The following STARD13 variants were observed in gnomAD, a reference collection of about 807,000 sequenced individuals.
STARD13 encodes StAR related lipid transfer domain containing 13.
In STARD13, 62 loss-of-function variants were observed where a neutral mutation model predicts 106.4. That is an observed-to-expected ratio of 0.58 (90% CI 0.48 to 0.72). The LOEUF is 0.72. STARD13 is among the 30% of genes least tolerant of loss of function. STARD13 has a pLI of 0.00. For synonymous variants in STARD13, 565 were observed against 553.0 expected, an observed-to-expected ratio of 1.02 and a Z score of -0.31; for missense variants, 1,387 against 1,424.0, an observed-to-expected ratio of 0.97 and a Z score of 0.42.
At chr13:33,142,676 T>C (rs1008730158) in intron 3 of STARD13, among the ~76,000 whole-genome samples, 1 of 152,210 alleles carries the variant, frequency 6.6e-6, no homozygotes, top group Admixed American at 6.5e-5. Context: ...ATTTTAGCCA[T>C]ACTTTCACTA....
the STARD13 span, among the ~76,000 whole-genome samples, chr13:33,662,556 T>G: frequency 6.6e-6 from 1 of 152,208 alleles, no homozygotes; most frequent in Non-Finnish European, 1.5e-5. Context: ...TCTCCACAAA[T>G]CAAACCCTGC....
chr13:33,481,963 A>G, the STARD13 span, among the ~76,000 whole-genome samples: 3 of 151,212 alleles, frequency 2.0e-5, no homozygotes, highest in Admixed American at 6.6e-5. Context: ...AGCCTGGGCT[A>G]CAGAGCGAGA....
the STARD13 span, among the ~76,000 whole-genome samples, chr13:33,477,619 C>A: frequency 6.6e-6 from 1 of 152,100 alleles, no homozygotes; most frequent in African/African-American, 2.4e-5. Flanking sequence ...CTTGTTATAT[C>A]CTCTTCCTTT....
the STARD13 span, among the ~76,000 whole-genome samples, chr13:33,441,416 G>A: frequency 6.6e-6 from 1 of 152,016 alleles, no homozygotes; most frequent in African/African-American, 2.4e-5. Flanking sequence ...CAGTTTTGTG[G>A]TTAAGATAAT....
chr13:33,621,417 C>T, the STARD13 span, among the ~76,000 whole-genome samples: 1 of 151,988 alleles, frequency 6.6e-6, no homozygotes, highest in Admixed American at 6.5e-5. Context: ...GTCGCTTACG[C>T]CTGTAATCCC....
chr13:33,412,500 A>C, the STARD13 span, among the ~76,000 whole-genome samples: 1 of 152,214 alleles, frequency 6.6e-6, no homozygotes, highest in African/African-American at 2.4e-5. Context: ...GAACATAGTG[A>C]TCTAAATATA....
the STARD13 span, among the ~76,000 whole-genome samples, chr13:33,609,910 G>T: frequency 3.3e-5 from 5 of 152,224 alleles, no homozygotes; most frequent in African/African-American, 1.2e-4. Context: ...TATACACTAG[G>T]CATGTGTGCT....
At chr13:33,420,183 C>T in the STARD13 span, among the ~76,000 whole-genome samples, 3 of 152,122 alleles carry the variant, frequency 2.0e-5, no homozygotes, top group African/African-American at 4.8e-5. Context: ...AGTCAAGACC[C>T]ATTACTGTGC....
the STARD13 span, among the ~76,000 whole-genome samples, chr13:33,614,946 G>A: frequency 6.6e-6 from 1 of 152,196 alleles, no homozygotes; most frequent in South Asian, 2.1e-4. Flanking sequence ...TTTGGAAACT[G>A]TCAGGGTCCA....
chr13:33,263,875 G>A (rs7325230), intron 1 of STARD13, among the ~76,000 whole-genome samples: 2 of 152,086 alleles, frequency 1.3e-5, no homozygotes, highest in African/African-American at 4.8e-5. Context: ...ACACTCCTCC[G>A]ATTGAATAAT....
intron 1 of STARD13, among the ~76,000 whole-genome samples, chr13:33,219,337 T>A (rs1490959380): frequency 6.6e-6 from 1 of 151,586 alleles, no homozygotes; most frequent in Non-Finnish European, 1.5e-5. Flanking sequence ...TCTCAGCGCC[T>A]CCTTAGAGCT....
chr13:33,550,280 A>C, the STARD13 span, among the ~76,000 whole-genome samples: 9 of 152,212 alleles, frequency 5.9e-5, no homozygotes, highest in Non-Finnish European at 1.2e-4. Flanking sequence ...TTAGCATAAT[A>C]ATTTACTGGA....
chr13:33,591,973 C>T, the STARD13 span, among the ~76,000 whole-genome samples: 2 of 152,108 alleles, frequency 1.3e-5, no homozygotes, highest in African/African-American at 4.8e-5. Flanking sequence ...CTGTTAGAGG[C>T]TTGTATGCCC....
At chr13:33,350,034 C>T (rs986740476) in intron 1 of STARD13, among the ~76,000 whole-genome samples, 1 of 152,222 alleles carries the variant, frequency 6.6e-6, no homozygotes, top group Non-Finnish European at 1.5e-5. Flanking sequence ...CGTCCCGCGG[C>T]CCGCCAGCAT....
At chr13:33,391,550 T>C in the STARD13 span, among the ~76,000 whole-genome samples, 1 of 152,180 alleles carries the variant, frequency 6.6e-6, no homozygotes, top group Non-Finnish European at 1.5e-5. Context: ...AGAATCTTAA[T>C]ACATCTAGGC....
At chr13:33,603,278 A>G in the STARD13 span, among the ~76,000 whole-genome samples, 1 of 152,088 alleles carries the variant, frequency 6.6e-6, no homozygotes, top group Non-Finnish European at 1.5e-5. Context: ...GTGATCTCCC[A>G]TTTCCTCCAT....
chr13:33,439,062 A>G, the STARD13 span, among the ~76,000 whole-genome samples: 1 of 152,252 alleles, frequency 6.6e-6, no homozygotes, highest in East Asian at 1.9e-4. Context: ...ATAAGCATGT[A>G]AATGACCGTA....
chr13:33,444,956 T>C, the STARD13 span, among the ~76,000 whole-genome samples: 3 of 152,212 alleles, frequency 2.0e-5, no homozygotes, highest in Non-Finnish European at 4.4e-5. Context: ...TAAAATGCAA[T>C]TGCTTTTTGA....
At chr13:33,353,445 G>A (rs987383387), upstream of STARD13, among the ~76,000 whole-genome samples, 2 of 152,102 alleles carry the variant, frequency 1.3e-5, no homozygotes, top group Admixed American at 6.6e-5. Flanking sequence ...GCTGTCAGGC[G>A]ACACCCTCCC....
Sources: gnomAD v4.1 joint callset for allele counts (sites outside exome capture counted in the v4.1 genomes callset) on GRCh38, gnomAD v4.1.1 for gene constraint, MANE v1.5 for transcripts, NCBI Gene and HGNC (gene_info 2026-07-23, HGNC 2026-07-21) for gene names.